The following BMP5 variants were observed in gnomAD, a reference collection of about 807,000 sequenced individuals.
BMP5 encodes bone morphogenetic protein 5.
A neutral mutation model predicts 46.6 loss-of-function variants in BMP5; 23 were observed. The ratio of observed to expected loss-of-function variants is 0.49; its 90% CI spans 0.35 to 0.70. The LOEUF is 0.70. Ranked by LOEUF, BMP5 falls within the 30% of genes least tolerant of loss-of-function variation. BMP5 has a pLI of 0.00. For synonymous variants in BMP5, 204 were observed against 191.9 expected (o/e 1.06, Z -0.52); for missense variants, 545 against 565.6 (o/e 0.96, Z 0.37).
At position 55,868,045 on chromosome 6, in the gene BMP5, T is replaced by C. The variant is rs75182563; in HGVS notation, c.490+6331A>G. 7.4e-3 allele frequency among the ~76,000 whole-genome samples: 1,121 copies of C among 152,280 alleles called. 18 individuals carry two copies. The highest frequency in any genetic ancestry group is 0.017 in the Middle Eastern group (5 of 294). On this transcript the variant is annotated intron_variant, in intron 1 of 6. Transcript: ENST00000370830. ...ATTCTGGAGATGGCTGTGTCTCCTA[T>C]ATAGAAAGGGTAATCACAGAGTCAG...
At chr6:55,796,685 GT>G (rs1236801822) in intron 2 of BMP5, among the ~76,000 whole-genome samples, 1 of 124,822 alleles carries the variant, frequency 8.0e-6, no homozygotes, top group Non-Finnish European at 1.6e-5. Context: ...AGAGTGTGAT[GT>G]TCCCCTTCCT....
At chr6:55,807,783 C>G (rs924586643) in intron 2 of BMP5, among the ~76,000 whole-genome samples, 2 of 152,024 alleles carry the variant, frequency 1.3e-5, no homozygotes, top group South Asian at 2.1e-4. Flanking sequence ...CTGGTTAAGT[C>G]TTGGGAGGGT....
At chr6:55,862,539 T>C (rs1021744724) in intron 1 of BMP5, among the ~76,000 whole-genome samples, 1 of 152,162 alleles carries the variant, frequency 6.6e-6, no homozygotes, top group Non-Finnish European at 1.5e-5. Context: ...TCCATCACAA[T>C]TGAAGAAGTA....
chr6:55,867,216 C>A (rs923867835), intron 1 of BMP5, among the ~76,000 whole-genome samples: 2 of 152,064 alleles, frequency 1.3e-5, no homozygotes, highest in African/African-American at 2.4e-5. Flanking sequence ...GTATCCCCCC[C>A]GCTGAGTATC....
At chr6:55,795,820 G>T (rs1355286462) in intron 2 of BMP5, among the ~76,000 whole-genome samples, 1 of 152,068 alleles carries the variant, frequency 6.6e-6, no homozygotes, top group Non-Finnish European at 1.5e-5. Flanking sequence ...GGATTGAAAC[G>T]CTTGCTTTTT....
intron 1 of BMP5, among the ~76,000 whole-genome samples, chr6:55,862,330 C>A (rs1777542767): frequency 6.6e-6 from 1 of 152,084 alleles, no homozygotes; most frequent in Non-Finnish European, 1.5e-5. Context: ...TTGCCCAATC[C>A]CCAATACCGT....
chr6:55,755,502 A>T lies in BMP5; in HGVS notation c.*31T>A, dbSNP rs777275667. 1.3e-6 allele frequency: 2 copies of T among 1,585,988 alleles called. No individual in the cohort carries two copies. Among genetic ancestry groups the T allele is most frequent in the South Asian group, 2.2e-5 (2 of 89,840 alleles). Reference sequence around the variant, plus strand: ...ATTGCAGCCATAAACCTTAATACAGATCTTTTTGTTATTATCAATATTATT... The same window carrying T: ...ATTGCAGCCATAAACCTTAATACAGTTCTTTTTGTTATTATCAATATTATT... On this transcript the variant is annotated 3_prime_UTR_variant, in exon 7 of 7. Transcript: ENST00000370830.
At chr6:55,813,743 C>A (rs1021620845) in intron 2 of BMP5, among the ~76,000 whole-genome samples, 3 of 149,774 alleles carry the variant, frequency 2.0e-5, no homozygotes, top group Non-Finnish European at 3.0e-5. Flanking sequence ...GCAGAGATTG[C>A]GCCACTGCAC....
At chr6:55,816,715 A>G (rs2127537393) in intron 2 of BMP5, among the ~76,000 whole-genome samples, 1 of 152,304 alleles carries the variant, frequency 6.6e-6, no homozygotes, top group African/African-American at 2.4e-5. Flanking sequence ...CTAGCATTCC[A>G]TAGGATATTA....
intron 2 of BMP5, among the ~76,000 whole-genome samples, chr6:55,808,635 T>C (rs541354332): frequency 6.6e-6 from 1 of 152,336 alleles, no homozygotes; most frequent in South Asian, 2.1e-4. Context: ...ATCTGTGGGC[T>C]GCACAGTTCC....
At chr6:55,818,472 A>C (rs1246351431) in intron 2 of BMP5, among the ~76,000 whole-genome samples, 1 of 152,152 alleles carries the variant, frequency 6.6e-6, no homozygotes, top group African/African-American at 2.4e-5. Context: ...TATTAGTCTC[A>C]AACTTTGGGC....
chr6:55,809,895 C>T (rs1776084335), intron 2 of BMP5, among the ~76,000 whole-genome samples: 1 of 152,086 alleles, frequency 6.6e-6, no homozygotes, highest in Admixed American at 6.6e-5. Context: ...TTTCCCAAAG[C>T]TTCTATTATT....
intron 3 of BMP5, among the ~76,000 whole-genome samples, chr6:55,789,482 C>G (rs1775525163): frequency 6.6e-6 from 1 of 151,890 alleles, no homozygotes; most frequent in South Asian, 2.1e-4. Flanking sequence ...AAATTGCTAT[C>G]TGTGTAATAA....
chr6:55,853,190 A>AATAAAATAAAATAAAATAAG (rs1777294633), intron 1 of BMP5, among the ~76,000 whole-genome samples: 1 of 136,660 alleles, frequency 7.3e-6, no homozygotes, highest in Non-Finnish European at 1.6e-5. Context: ...AATAAAATAA[A>AATAAAATAAAATAAAATAAG]ATAAAATAAA....
rs747912353 is a variant in BMP5 at position 55,774,134 on chromosome 6, G to T, written c.942C>A (p.Ser314=). ...TTTTTCGTTTGTTGGCTGCTCTCAC[G>T]GATCGAAGAAGTACCTCACTCGCCT... ...FFKASEVLLR[S]VRAANKRKNQ... The change falls in exon 4 of 7, where the codon TCC becomes TCA. Residue 314 remains serine (S), a synonymous_variant. Transcript: ENST00000370830. The T allele has an allele frequency of 6.2e-7, 1 of 1,613,074 alleles. No homozygotes were observed. The highest frequency in any genetic ancestry group is 1.7e-5 in the Admixed American group (1 of 59,858).
chr6:55,853,393 C>T (rs985685699), intron 1 of BMP5, among the ~76,000 whole-genome samples: 1 of 141,542 alleles, frequency 7.1e-6, no homozygotes, highest in Non-Finnish European at 1.5e-5. Context: ...GAAACAGAAT[C>T]AAGTTTTATT....
chr6:55,846,283 T>C (rs908302819), intron 1 of BMP5, among the ~76,000 whole-genome samples: 7 of 151,908 alleles, frequency 4.6e-5, no homozygotes, highest in African/African-American at 1.4e-4. Context: ...TACATGCAGA[T>C]AGGAAATAAA....
Position 55,759,069 on chromosome 6 carries a change from C to A in BMP5, c.1151G>T (p.Gly384Val). 6.8e-7 allele frequency: 1 copy of A among 1,467,474 alleles called. No individual in the cohort carries two copies. Among genetic ancestry groups the A allele is most frequent in the Non-Finnish European group, 9.1e-7 (1 of 1,093,872 alleles). 90.9% of individuals were successfully genotyped at this position (1,467,474 alleles called of 1,614,324 possible). Residue 384 changes from glycine (G) to valine (V), a missense_variant, in exon 6 of 7, where the codon GGA (glycine) becomes GTA (valine). Physicochemically the swap from Gly to Val is moderately radical, Grantham distance 109. Transcript: ENST00000370830. ...PEGYAAFYCDGECSFPLNAHM... is the reference protein window; with the variant it reads ...PEGYAAFYCDVECSFPLNAHM... The stretch of plus-strand genomic sequence containing the variant: ...GGCGTTAAGTGGAAAAGAACATTCT[C>A]CATCACAATAAAATGCAGCGTATCC...
At chr6:55,844,648 C>G (rs1360405243) in intron 1 of BMP5, among the ~76,000 whole-genome samples, 1 of 151,616 alleles carries the variant, frequency 6.6e-6, no homozygotes, top group African/African-American at 2.4e-5. Context: ...ATAGGAATAC[C>G]AATGCTTTTT....
Sources: allele counts gnomAD v4.1 joint callset (sites outside exome capture counted in the v4.1 genomes callset), GRCh38; gene constraint gnomAD v4.1.1; transcripts MANE v1.5; gene names NCBI Gene and HGNC (gene_info 2026-07-23, HGNC 2026-07-21).